Variants in ZCCHC14 observed in about 807,000 individuals in gnomAD.
ZCCHC14 encodes the protein zinc finger CCHC domain-containing protein 14.
Under a neutral mutation model 85.0 loss-of-function variants are expected in ZCCHC14, and 16 were observed. The ratio of observed to expected loss-of-function variants is 0.19; its 90% CI spans 0.13 to 0.29. The LOEUF is 0.29. ZCCHC14 is among the 10% of genes least tolerant of loss of function. The pLI is 1.00. For missense variants in ZCCHC14, 1,303 were observed against 1,443.5 expected (o/e 0.90, Z 1.58); for synonymous variants, 775 against 630.7 (o/e 1.23, Z -3.43).
chr16:87,478,332 T>C (rs1418408012), intron 1 of ZCCHC14, among the ~76,000 whole-genome samples: 1 of 152,130 alleles, frequency 6.6e-6, no homozygotes, highest in Non-Finnish European at 1.5e-5. Flanking sequence ...TCTGCTTAAA[T>C]GAAGTTTTAG....
chr16:87,442,314 C>T (rs539048879), intron 2 of ZCCHC14, among the ~76,000 whole-genome samples: 1 of 152,188 alleles, frequency 6.6e-6, no homozygotes, highest in Non-Finnish European at 1.5e-5. Context: ...GCTGTCAGAA[C>T]CCAACCAGGT....
At chr16:87,414,658 G>C (rs184547424) in intron 9 of ZCCHC14, 117 bp from the exon 10 acceptor site, 1 of 1,380,770 alleles carries the variant, frequency 7.2e-7, no homozygotes, top group Non-Finnish European at 9.7e-7. Flanking sequence ...GGGCGACTTC[G>C]AGATGGGTCT....
At chr16:87,439,582 A>T (rs1441157589) in intron 2 of ZCCHC14, among the ~76,000 whole-genome samples, 1 of 152,254 alleles carries the variant, frequency 6.6e-6, no homozygotes, top group African/African-American at 2.4e-5. Flanking sequence ...ATCTTGAGAT[A>T]GACACCTCAC....
rs1388448410 is a variant in ZCCHC14, at chr16:87,492,753, C to G, written c.-515G>C. The G allele has an allele frequency of 6.8e-6, 1 of 146,602 alleles. No homozygotes were observed. The allele number at this position is 146,602 out of a possible 1,614,324, so 9.1% of individuals were successfully genotyped here. Reference sequence around the variant, plus strand: ...GCCCAGGCCGGCCGTTACCCCGGGCCGCGGGCGCGGCGTCGCCGCCTGGGG... The same window carrying G: ...GCCCAGGCCGGCCGTTACCCCGGGCGGCGGGCGCGGCGTCGCCGCCTGGGG... On this transcript the variant is annotated 5_prime_UTR_variant, in exon 1 of 13. Transcript: ENST00000671377. This position sits in a 1 kb window ranked among gnomAD's most constrained non-coding sequence, Gnocchi z 6.7.
At chr16:87,413,233 G>T in intron 10 of ZCCHC14, 38 bp from the exon 11 acceptor site, 1 of 1,483,898 alleles carries the variant, frequency 6.7e-7, no homozygotes, top group Non-Finnish European at 8.9e-7. Flanking sequence ...ATCAACTAGC[G>T]CCCCTGCAGG....
intron 1 of ZCCHC14, chr16:87,473,326 C>T (rs1291941946): frequency 6.6e-6 from 1 of 152,176 alleles, no homozygotes; most frequent in East Asian, 1.9e-4. Flanking sequence ...TCTCAGCCTC[C>T]TGAGTAGCTG....
In ZCCHC14 at chr16:87,420,647, A is replaced by G; in HGVS notation, c.910T>C (p.Tyr304His). The G allele has an allele frequency of 1.9e-6, 3 of 1,613,928 alleles. No homozygotes were observed. The highest frequency in any genetic ancestry group is 2.5e-6 in the Non-Finnish European group (3 of 1,179,880). ...IPCLAGPDAF[Y>H]VERNHVDLDS... Reference sequence around the variant, plus strand: ...AGATCCACGTGGTTTCGCTCCACATAAAATGCGTCCGGACCAGCTAAGCAA... The same window carrying G: ...AGATCCACGTGGTTTCGCTCCACATGAAATGCGTCCGGACCAGCTAAGCAA... Residue 304 changes from tyrosine to histidine, a missense_variant, in exon 5 of 13, where the codon TAT (tyrosine) becomes CAT (histidine). Physicochemically the swap from Tyr to His is moderately conservative, Grantham distance 83. Around this residue, in one of 7 missense-constraint regions of ZCCHC14, gnomAD observed 389 missense variants for 397.8 expected, o/e 0.98. Transcript: ENST00000671377. This position sits in a 1 kb window ranked among gnomAD's most constrained non-coding sequence, Gnocchi z 5.0.
At chr16:87,428,396 C>G (rs930900719) in intron 3 of ZCCHC14, among the ~76,000 whole-genome samples, 2 of 152,248 alleles carry the variant, frequency 1.3e-5, no homozygotes, top group Non-Finnish European at 2.9e-5. Flanking sequence ...CAAAGCACAG[C>G]AGGCATTCCT....
chr16:87,452,599 GGT>G (rs1459145196), intron 2 of ZCCHC14, among the ~76,000 whole-genome samples: 3 of 152,142 alleles, frequency 2.0e-5, no homozygotes, highest in African/African-American at 7.2e-5. Flanking sequence ...GCCAGGCAAG[GGT>G]GTTCTCAGGA....
intron 2 of ZCCHC14, among the ~76,000 whole-genome samples, chr16:87,444,460 T>G (rs1216990301): frequency 6.6e-6 from 1 of 152,216 alleles, no homozygotes; most frequent in Non-Finnish European, 1.5e-5. Context: ...ATGATTAAGC[T>G]GAAAGTCTGA....
At chr16:87,446,294 G>A (rs1161301576) in intron 2 of ZCCHC14, among the ~76,000 whole-genome samples, 1 of 152,154 alleles carries the variant, frequency 6.6e-6, no homozygotes, top group East Asian at 1.9e-4. Flanking sequence ...GACCAGCCTG[G>A]CCAACATGGC....
Position 87,410,236 on chromosome 16 carries a change from T to C in ZCCHC14, c.*44A>G, listed in dbSNP as rs1323809817. ...TCTCAGTTTTGTATTTAATTTTCCT[T>C]ATGTCTCCATGGCTTAATAACGTTC... is the stretch of plus-strand genomic sequence containing the variant. On this transcript the variant is annotated 3_prime_UTR_variant, in exon 13 of 13. Transcript: ENST00000671377. The C allele has an allele frequency of 2.8e-6, 2 of 703,702 alleles. No homozygotes were observed. The highest frequency in any genetic ancestry group is 2.7e-5 in the East Asian group (1 of 37,560). 43.6% of individuals were successfully genotyped at this position (703,702 alleles called of 1,614,324 possible).
At chr16:87,468,836 C>T (rs562114195) in intron 1 of ZCCHC14, among the ~76,000 whole-genome samples, 7 of 152,154 alleles carry the variant, frequency 4.6e-5, no homozygotes, top group Non-Finnish European at 8.8e-5. Context: ...AGTACCTGCC[C>T]GCAGGCCTCA....
rs1280964539 is a variant in ZCCHC14 at position 87,412,600 on chromosome 16, C to A, written c.2121G>T (p.Gln707His). Residue 707 changes from glutamine to histidine, a missense_variant, in exon 12 of 13, where the codon CAG becomes CAT. Gln to His is a conservative substitution (Grantham distance 24). Transcript: ENST00000671377. ...MDVLPASAPH[Q>H]PVQVLSGLSE... ...AAAGCCCAGAGAGGACCTGCACAGG[C>A]TGGTGGGGTGCGGACGCGGGCAGCA... is the stretch of plus-strand genomic sequence containing the variant. The A allele has an allele frequency of 6.2e-7, 1 of 1,614,186 alleles. No individual in the cohort carries two copies. Among genetic ancestry groups the A allele is most frequent in the Non-Finnish European group, 8.5e-7 (1 of 1,180,052 alleles).
intron 1 of ZCCHC14, among the ~76,000 whole-genome samples, chr16:87,488,321 A>AAC (rs2078293955): frequency 1.3e-5 from 2 of 152,308 alleles, no homozygotes; most frequent in South Asian, 4.1e-4. Flanking sequence ...GGCACCCTGG[A>AAC]ACAGGCGACT....
intron 1 of ZCCHC14, among the ~76,000 whole-genome samples, chr16:87,483,304 CAA>C (rs56708958): frequency 4.6e-5 from 2 of 43,660 alleles, no homozygotes; most frequent in African/African-American, 8.6e-5. Flanking sequence ...CTAAAAATAC[CAA>C]AAAAAAAAAA....
chr16:87,480,780 G>A (rs1164015679), intron 1 of ZCCHC14, among the ~76,000 whole-genome samples: 2 of 152,198 alleles, frequency 1.3e-5, no homozygotes, highest in African/African-American at 4.8e-5. Context: ...TAAGGTCTAG[G>A]ATAAGGATGC....
At chr16:87,468,931 A>G (rs1425008129) in intron 1 of ZCCHC14, among the ~76,000 whole-genome samples, 1 of 152,214 alleles carries the variant, frequency 6.6e-6, no homozygotes, top group Non-Finnish European at 1.5e-5. Flanking sequence ...AATACCTGGG[A>G]GCTGGCAAAC....
chr16:87,492,077 C>T lies in ZCCHC14; in HGVS notation c.162G>A (p.Lys54=), dbSNP rs1912795457. The T allele has an allele frequency of 1.1e-5, 16 of 1,398,958 alleles. No homozygotes were observed. The South Asian group carries it at 2.1e-4, about 19-fold the overall frequency. The allele number at this position is 1,398,958 out of a possible 1,614,324, so 86.7% of individuals were successfully genotyped here. The change falls in exon 1 of 13, where the codon AAG becomes AAA. Residue 54 remains lysine, a synonymous_variant. Coordinates refer to ENST00000671377, the MANE Select transcript of ZCCHC14 (RefSeq NM_015144.3). The surrounding 1 kb of genome is among the most constrained non-coding windows in gnomAD (Gnocchi z 6.7). The part of the protein sequence containing the change: ...LGSCLEDLAR[K]DYHSLRDSEI... ...CCGAGTCGCGCAGCGAGTGGTAGTC[C>T]TTGCGGGCCAGGTCCTCCAGGCACG...
Sources: allele counts gnomAD v4.1 joint callset (sites outside exome capture counted in the v4.1 genomes callset), GRCh38; gene constraint gnomAD v4.1.1; regional missense constraint gnomAD v4.1.1; non-coding constraint Gnocchi (gnomAD v3.1); transcripts MANE v1.5; gene names NCBI Gene and HGNC (gene_info 2026-07-23, HGNC 2026-07-21).